ABCC9: variants seen among roughly 807,000 people sequenced by gnomAD.
The protein encoded by ABCC9 is ATP binding cassette subfamily C member 9, also known as ATP-binding cassette sub-family C member 9.
ABCC9 carries 95 observed loss-of-function variants against 188.3 expected under a neutral mutation model. The observed-to-expected ratio is 0.50, with a 90% confidence interval of 0.43 to 0.60. The LOEUF (loss-of-function observed/expected upper bound fraction) is 0.60. Among genes scored for constraint, ABCC9 ranks in the 20% least tolerant of loss-of-function variants. ABCC9 has a pLI of 0.00. For synonymous variants in ABCC9, 659 were observed against 652.7 expected (o/e 1.01, Z -0.15); for missense variants, 1,102 against 1,876.3 (o/e 0.59, Z 7.62).
At chr12:21,883,746 T>C (rs1946742150) in intron 15 of ABCC9, among the ~76,000 whole-genome samples, 1 of 152,064 alleles carries the variant, frequency 6.6e-6, no homozygotes, top group Admixed American at 6.6e-5. Context: ...TCCAAAGATA[T>C]TACAGTGTTT....
At chr12:21,842,859 T>G (rs1944463992) in intron 28 of ABCC9, among the ~76,000 whole-genome samples, 1 of 152,242 alleles carries the variant, frequency 6.6e-6, no homozygotes, top group African/African-American at 2.4e-5. Context: ...TCTACTGTAA[T>G]ACATTTAAAT....
At chr12:21,850,078 T>G (rs1205117720) in intron 24 of ABCC9, among the ~76,000 whole-genome samples, 3 of 151,704 alleles carry the variant, frequency 2.0e-5, no homozygotes, top group Non-Finnish European at 4.4e-5. Context: ...TTCTCAGCCT[T>G]GACACAGTTG....
chr12:21,828,078 A>G (rs978455416), intron 31 of ABCC9, among the ~76,000 whole-genome samples: 3 of 152,248 alleles, frequency 2.0e-5, no homozygotes, highest in Admixed American at 1.3e-4. Context: ...GATTCTCTCA[A>G]TAGTAGAGAT....
At chr12:21,926,165 T>C (rs1240845244) in intron 4 of ABCC9, 102 bp from the exon 5 acceptor site, 9 of 1,471,822 alleles carry the variant, frequency 6.1e-6, no homozygotes, top group Non-Finnish European at 8.5e-6. Flanking sequence ...CAATAAGATG[T>C]TTAAAATACA....
At chr12:21,900,877 T>C (rs1947710811) in intron 12 of ABCC9, among the ~76,000 whole-genome samples, 1 of 152,114 alleles carries the variant, frequency 6.6e-6, no homozygotes, top group Non-Finnish European at 1.5e-5. Context: ...TAGAAAACAC[T>C]CTGCAGGATA....
At chr12:21,936,131 A>G (rs1349006510) in intron 3 of ABCC9, among the ~76,000 whole-genome samples, 2 of 152,108 alleles carry the variant, frequency 1.3e-5, no homozygotes, top group Non-Finnish European at 2.9e-5. Flanking sequence ...TAGGCTTACA[A>G]TGTGGCATAG....
At chr12:21,923,026 T>A (rs10770871) in intron 5 of ABCC9, 2 of 148,008 alleles carry the variant, frequency 1.4e-5, no homozygotes, top group South Asian at 4.2e-4. Context: ...ATGCAATCTC[T>A]TGAGAAACAG....
chr12:21,852,885 A>G (rs146418131), intron 22 of ABCC9, among the ~76,000 whole-genome samples: 1 of 152,252 alleles, frequency 6.6e-6, no homozygotes, highest in Admixed American at 6.5e-5. Context: ...AAATAACACT[A>G]TTCAAAATGT....
chr12:21,915,129 G>C (rs1255168551), intron 7 of ABCC9, among the ~76,000 whole-genome samples: 2 of 151,272 alleles, frequency 1.3e-5, no homozygotes, highest in East Asian at 3.9e-4. Context: ...TCAAACTCCT[G>C]ACCTCAGGTG....
intron 18 of ABCC9, among the ~76,000 whole-genome samples, chr12:21,870,413 T>C (rs1309519546): frequency 2.0e-5 from 3 of 152,064 alleles, no homozygotes; most frequent in Non-Finnish European, 4.4e-5. Flanking sequence ...TGCATCACCA[T>C]GACCTGCTTA....
intron 30 of ABCC9, among the ~76,000 whole-genome samples, chr12:21,836,615 A>G (rs1423858945): frequency 2.0e-5 from 3 of 152,104 alleles, no homozygotes; most frequent in Non-Finnish European, 4.4e-5. Context: ...ACTATGTATC[A>G]TGCTGTGTTG....
At chr12:21,923,101 C>T (rs1002841459) in intron 5 of ABCC9, 5 of 144,452 alleles carry the variant, frequency 3.5e-5, no homozygotes, top group African/African-American at 5.1e-5. Context: ...AAAAAAAGAA[C>T]TTTGACACCT....
chr12:21,887,847 G>A lies in ABCC9; in HGVS notation c.1890C>T (p.Ser630=). Residue 630 remains serine, a synonymous_variant, in exon 15 of 40, where the codon TCC becomes TCT. Coordinates refer to ENST00000261200, the MANE Select transcript of ABCC9 (RefSeq NM_020297.4). The stretch of plus-strand genomic sequence containing the variant: ...TTACAACTCCAGTGTGCTTCTTACA[G>A]GACTCAAAAGGAAGCGAACTTTCAC... ...RTGESSLPFE[S]CKKHTGVQPK... 6.2e-7 allele frequency: 1 copy of A among 1,612,848 alleles called. No individual in the cohort carries two copies. The highest frequency in any genetic ancestry group is 8.5e-7 in the Non-Finnish European group (1 of 1,179,036).
chr12:21,864,543 G>T, intron 18 of ABCC9, 66 bp from the exon 19 acceptor site: 2 of 1,110,390 alleles, frequency 1.8e-6, no homozygotes, highest in Non-Finnish European at 2.8e-6. Flanking sequence ...GTGCATACAC[G>T]TCAGGTAAGA....
intron 28 of ABCC9, 57 bp from the exon 29 acceptor site, chr12:21,842,528 T>C: frequency 6.4e-7 from 1 of 1,560,580 alleles, no homozygotes; most frequent in Non-Finnish European, 8.8e-7. Context: ...TTGGCTGCAA[T>C]GTAACAAAAA....
chr12:21,913,772 A>T (rs527909663), intron 7 of ABCC9, among the ~76,000 whole-genome samples: 18 of 152,318 alleles, frequency 1.2e-4, no homozygotes, highest in African/African-American at 3.8e-4. Flanking sequence ...CAATCATCAT[A>T]ATTAAAATTT....
intron 39 of ABCC9, among the ~76,000 whole-genome samples, chr12:21,803,057 T>TG (rs1317636723): frequency 6.6e-6 from 1 of 151,762 alleles, no homozygotes; most frequent in Non-Finnish European, 1.5e-5. Flanking sequence ...AAAGTAATCA[T>TG]GTCAAAGACC....
chr12:21,908,491 A>G (rs2137854797), intron 10 of ABCC9, among the ~76,000 whole-genome samples: 1 of 152,098 alleles, frequency 6.6e-6, no homozygotes, highest in East Asian at 1.9e-4. Flanking sequence ...AATGTATTGC[A>G]TGAATTTGCA....
intron 18 of ABCC9, among the ~76,000 whole-genome samples, chr12:21,871,239 G>A (rs552924182): frequency 3.4e-4 from 52 of 152,268 alleles, no homozygotes; most frequent in African/African-American, 1.2e-3. Flanking sequence ...TAGTGCCTGA[G>A]GTTAGTGACT....
Sources: allele counts gnomAD v4.1 joint callset (sites outside exome capture counted in the v4.1 genomes callset), GRCh38; gene constraint gnomAD v4.1.1; transcripts MANE v1.5; gene names NCBI Gene and HGNC (gene_info 2026-07-23, HGNC 2026-07-21).